GNA12: variants seen among roughly 807,000 people sequenced by gnomAD.
The protein encoded by GNA12 is guanine nucleotide-binding protein subunit alpha-12.
Under a neutral mutation model 26.0 loss-of-function variants are expected in GNA12, and 9 were observed. The ratio of observed to expected loss-of-function variants is 0.35; its 90% confidence interval spans 0.21 to 0.60. GNA12 has a LOEUF of 0.60. GNA12 is among the 20% of genes least tolerant of loss of function. The probability of loss-of-function intolerance (pLI) is 0.78; values close to 1 mark genes in which losing one functional copy is unlikely to be tolerated. For synonymous variants in GNA12, 264 were observed against 219.6 expected (o/e 1.20, Z -1.79); for missense variants, 405 against 525.8 (o/e 0.77, Z 2.25).
chr7:2,804,939 C>T (rs1002508853), intron 1 of GNA12, among the ~76,000 whole-genome samples: 3 of 151,942 alleles, frequency 2.0e-5, no homozygotes, highest in Non-Finnish European at 4.4e-5. Context: ...GGATACGCAG[C>T]TAATGTTCAT....
At chr7:2,767,272 T>C (rs984044505) in intron 2 of GNA12, among the ~76,000 whole-genome samples, 1 of 152,266 alleles carries the variant, frequency 6.6e-6, no homozygotes, top group African/African-American at 2.4e-5. Flanking sequence ...TTTTCTTTTG[T>C]TGCCTAGGCT....
chr7:2,735,893 G>A (rs913288031), intron 2 of GNA12, among the ~76,000 whole-genome samples: 3 of 152,110 alleles, frequency 2.0e-5, no homozygotes, highest in African/African-American at 4.8e-5. Flanking sequence ...GGGGCTGGAG[G>A]GGAGGGAAGA....
intron 2 of GNA12, among the ~76,000 whole-genome samples, chr7:2,753,487 G>C (rs1372968802): frequency 1.3e-5 from 2 of 152,126 alleles, no homozygotes; most frequent in African/African-American, 4.8e-5. Context: ...AATGTCCTTG[G>C]GATCTGCTCA....
At chr7:2,733,570 C>A (rs1790009235) in intron 2 of GNA12, 69 bp from the exon 3 acceptor site, 2 of 1,242,424 alleles carry the variant, frequency 1.6e-6, no homozygotes, top group African/African-American at 1.5e-5. Flanking sequence ...AATACAAGAA[C>A]TGAACAGGGT....
At chr7:2,797,553 T>C (rs1792707496) in intron 1 of GNA12, among the ~76,000 whole-genome samples, 1 of 152,136 alleles carries the variant, frequency 6.6e-6, no homozygotes, top group South Asian at 2.1e-4. Flanking sequence ...TTGGCACTTA[T>C]CCTAAAAATC....
intron 2 of GNA12, among the ~76,000 whole-genome samples, chr7:2,786,724 G>A (rs1303457127): frequency 6.6e-6 from 1 of 152,134 alleles, no homozygotes; most frequent in East Asian, 1.9e-4. Flanking sequence ...CAGCTAGTCC[G>A]TGACCAGCAC....
intron 2 of GNA12, among the ~76,000 whole-genome samples, chr7:2,763,869 A>T (rs1791690840): frequency 6.6e-6 from 1 of 152,198 alleles, no homozygotes; most frequent in South Asian, 2.1e-4. Flanking sequence ...GCAGAGAGCG[A>T]GGGAGACGGA....
At chr7:2,794,864 G>T in intron 2 of GNA12, 64 bp downstream of exon 2, 2 of 1,145,128 alleles carry the variant, frequency 1.7e-6, no homozygotes. Context: ...TTCAACTAAC[G>T]GTCCAAAATA....
intron 2 of GNA12, among the ~76,000 whole-genome samples, chr7:2,738,977 A>T (rs1790356202): frequency 6.6e-6 from 1 of 152,014 alleles, no homozygotes; most frequent in African/African-American, 2.4e-5. Context: ...GCACACAGCC[A>T]CCCCTTGGTC....
chr7:2,832,778 T>C (rs1040172171), intron 1 of GNA12, among the ~76,000 whole-genome samples: 3 of 151,978 alleles, frequency 2.0e-5, no homozygotes, highest in African/African-American at 7.3e-5. Flanking sequence ...AAAGTGGGGG[T>C]CAGGGATGTT....
chr7:2,796,946 C>T (rs182815887), intron 1 of GNA12, among the ~76,000 whole-genome samples: 6 of 152,148 alleles, frequency 3.9e-5, no homozygotes, highest in African/African-American at 1.4e-4. Context: ...TTCTGAGGGG[C>T]ACACTGCATA....
At chr7:2,827,358 C>T (rs1793509083) in intron 1 of GNA12, among the ~76,000 whole-genome samples, 2 of 152,164 alleles carry the variant, frequency 1.3e-5, no homozygotes, top group Non-Finnish European at 2.9e-5. Flanking sequence ...ACTGAATGTA[C>T]ACTTCCAGAT....
chr7:2,765,190 C>G (rs963333377), intron 2 of GNA12: 1 of 151,756 alleles, frequency 6.6e-6, no homozygotes, highest in Non-Finnish European at 1.5e-5. Flanking sequence ...CTCTGTCGCC[C>G]AGGCTGGAGT....
intron 1 of GNA12, among the ~76,000 whole-genome samples, chr7:2,817,105 T>G (rs2527693): frequency 0.084 from 12,763 of 152,288 alleles, 698 homozygotes; most frequent in Non-Finnish European, 0.12. Flanking sequence ...CTCCACTTTA[T>G]TTTTATTTAT....
At chr7:2,762,601 G>A in intron 2 of GNA12, 1 of 1,521,070 alleles carries the variant, frequency 6.6e-7, no homozygotes, top group Non-Finnish European at 8.8e-7. Context: ...CCCAAAAAAG[G>A]ACAATCCCCT....
In GNA12 at chr7:2,738,847, G is replaced by A. The variant is rs191103662; in HGVS notation, c.526-5346C>T. Among the ~76,000 whole-genome samples, 962 of 152,226 alleles carry A rather than the reference G, an allele frequency of 6.3e-3. 7 individuals are homozygous for A. The highest frequency in any genetic ancestry group is 0.01 in the Middle Eastern group (3 of 294). Reference sequence around the variant, plus strand: ...TGTTTTTTATTTTGTTTGTTTTTTTGTTTTTTGCCAGAATGTGAAAGTACA... The same window carrying A: ...TGTTTTTTATTTTGTTTGTTTTTTTATTTTTTGCCAGAATGTGAAAGTACA... On this transcript the variant is annotated intron_variant, in intron 2 of 3. Transcript: ENST00000275364.
At position 2,780,070 on chromosome 7, in the gene GNA12, A is replaced by G. The variant is rs1213859735; in HGVS notation, c.525+14858T>C. 1.3e-3 allele frequency among the ~76,000 whole-genome samples: 173 copies of G among 128,246 alleles called. 4 individuals carry two copies. The highest frequency in any genetic ancestry group is 4.1e-3 in the African/African-American group (140 of 34,052). 84.1% of individuals were successfully genotyped at this position (128,246 alleles called of 152,430 possible). A position where few individuals can be genotyped will look rare whatever the true frequency, so the allele number is the denominator to read the frequency against. On this transcript the variant is annotated intron_variant, in intron 2 of 3. Transcript: ENST00000275364. ...TGTGTACATATATATATATATATAT[A>G]TATATATATATATATATATATATGC...
intron 1 of GNA12, among the ~76,000 whole-genome samples, chr7:2,808,257 A>T (rs1050311551): frequency 2.6e-5 from 4 of 152,196 alleles, no homozygotes; most frequent in Non-Finnish European, 5.9e-5. Context: ...GTGCTACCCG[A>T]CACCCACCTA....
At chr7:2,760,661 A>G (rs1181319248) in intron 2 of GNA12, among the ~76,000 whole-genome samples, 1 of 152,118 alleles carries the variant, frequency 6.6e-6, no homozygotes, top group Non-Finnish European at 1.5e-5. Flanking sequence ...GTCCCTTTAA[A>G]CCTTCCCAAC....
Sources: gnomAD v4.1 joint callset for allele counts (sites outside exome capture counted in the v4.1 genomes callset) on GRCh38, gnomAD v4.1.1 for gene constraint, MANE v1.5 for transcripts, NCBI Gene and HGNC (gene_info 2026-07-23, HGNC 2026-07-21) for gene names.